Variants in PDE6A observed in about 807,000 individuals in gnomAD.
The protein encoded by PDE6A is phosphodiesterase 6A.
Under a neutral mutation model 106.3 loss-of-function variants are expected in PDE6A, and 84 were observed. The ratio of observed to expected loss-of-function variants is 0.79; its 90% CI spans 0.66 to 0.95. PDE6A has a LOEUF of 0.95. Ranked by LOEUF, PDE6A falls within the 40% of genes least tolerant of loss-of-function variation. The probability of loss-of-function intolerance (pLI) is 0.00; values close to 1 mark genes in which losing one functional copy is unlikely to be tolerated. For missense variants in PDE6A, 1,052 were observed against 1,084.9 expected (o/e 0.97, Z 0.43); for synonymous variants, 394 against 386.6 (o/e 1.02, Z -0.23).
intron 4 of PDE6A, among the ~76,000 whole-genome samples, chr5:149,922,500 T>C (rs1278525927): frequency 6.6e-6 from 1 of 151,854 alleles, no homozygotes; most frequent in Non-Finnish European, 1.5e-5. Flanking sequence ...TTAGTAGAGA[T>C]GGGGTTTCAC....
intron 4 of PDE6A, among the ~76,000 whole-genome samples, chr5:149,927,480 A>G (rs557799680): frequency 1.1e-3 from 175 of 152,290 alleles, no homozygotes; most frequent in African/African-American, 4.1e-3. Flanking sequence ...CTTGCTCATC[A>G]TAGCTCACTG....
chr5:149,926,979 C>CAAA lies in PDE6A; in HGVS notation c.858+4046_858+4048dup, dbSNP rs539891462. On this transcript the variant is annotated intron_variant, in intron 4 of 21. Coordinates refer to ENST00000255266, the MANE Select transcript of PDE6A (RefSeq NM_000440.3). The stretch of plus-strand genomic sequence containing the variant: ...GGCAACAAGAGCGAAACTCCGTCTC[C>CAAA]AAAAAAAAAAAAAAAAAAAGAGAGA... Among the ~76,000 whole-genome samples the CAAA allele has an allele frequency of 1.4e-3, 99 of 70,416 alleles. 2 individuals are homozygous for CAAA. Among genetic ancestry groups the CAAA allele is most frequent in the East Asian group, 5.9e-3 (15 of 2,548 alleles). The allele number at this position is 70,416 out of a possible 152,430, so 46.2% of individuals were successfully genotyped here.
intron 17 of PDE6A, among the ~76,000 whole-genome samples, chr5:149,872,328 A>G (rs746044412): frequency 2.6e-5 from 4 of 152,222 alleles, no homozygotes; most frequent in Non-Finnish European, 5.9e-5. Context: ...CTATGGGTCA[A>G]TGTAATATAT....
At chr5:149,932,809 C>T (rs1754080624) in intron 3 of PDE6A, 3 of 749,974 alleles carry the variant, frequency 4.0e-6, no homozygotes, top group East Asian at 2.8e-5. Context: ...GATTGAGAGA[C>T]ACTTTTGTCC....
chr5:149,902,934 A>G (rs1173423008), intron 8 of PDE6A, among the ~76,000 whole-genome samples: 2 of 152,120 alleles, frequency 1.3e-5, no homozygotes, highest in African/African-American at 2.4e-5. Context: ...GAGGATTTCA[A>G]TAGGAGATGG....
At position 149,883,447 on chromosome 5, in the gene PDE6A, G is replaced by A. The variant is rs1406581235; in HGVS notation, c.2117C>T (p.Thr706Ile). ...AACTCACATAACGATTTCCTTCCGTGTCTGCTCCAGCATCATGTACTGTGT... is the reference window on the plus strand; with the variant it reads ...AACTCACATAACGATTTCCTTCCGTATCTGCTCCAGCATCATGTACTGTGT... ...EWTQYMMLEQ[T>I]RKEIVMAMMM... Residue 706 changes from threonine (T) to isoleucine (I), a missense_variant, in exon 17 of 22, where the codon ACA becomes ATA. Thr to Ile is a moderately conservative substitution (Grantham distance 89). This residue lies in a region of PDE6A where 913 missense variants were observed against 915.2 expected (regional missense o/e 1.00). Transcript: ENST00000255266. 6.2e-7 allele frequency: 1 copy of A among 1,611,970 alleles called. No individual in the cohort carries two copies. The highest frequency in any genetic ancestry group is 8.5e-7 in the Non-Finnish European group (1 of 1,178,042).
At chr5:149,882,875 T>C (rs904868568) in intron 17 of PDE6A, among the ~76,000 whole-genome samples, 2 of 152,198 alleles carry the variant, frequency 1.3e-5, no homozygotes, top group South Asian at 2.1e-4. Flanking sequence ...CTAGGCAACA[T>C]GGCAAAACCC....
At chr5:149,886,844 C>T (rs1410832412) in intron 13 of PDE6A, among the ~76,000 whole-genome samples, 1 of 152,184 alleles carries the variant, frequency 6.6e-6, no homozygotes, top group African/African-American at 2.4e-5. Flanking sequence ...TTTTGCCAGA[C>T]ACTTAACTCC....
intron 14 of PDE6A, 135 bp downstream of exon 14, chr5:149,886,130 G>A (rs146191860): frequency 5.6e-6 from 4 of 716,518 alleles, no homozygotes; most frequent in African/African-American, 3.5e-5. Flanking sequence ...GAGGAGACCC[G>A]GATCCCAAGG....
At chr5:149,891,016 CCAATGTT>C (rs1441092334) in intron 13 of PDE6A, among the ~76,000 whole-genome samples, 1 of 152,174 alleles carries the variant, frequency 6.6e-6, no homozygotes. Context: ...GGATGTAAAT[CCAATGTT>C]AAGTGTGGAC....
At position 149,876,365 on chromosome 5, in the gene PDE6A, T is replaced by TGG. The variant is rs773056306; in HGVS notation, c.2135+7063_2135+7064insCC. 6.3e-3 allele frequency among the ~76,000 whole-genome samples: 953 copies of TGG among 150,276 alleles called. 18 individuals carry two copies. Among genetic ancestry groups the TGG allele is most frequent in the African/African-American group, 0.02 (827 of 40,912 alleles). The stretch of plus-strand genomic sequence containing the variant: ...ATTTTTCCTCTTTTTTTTTTTTTTT[T>TGG]TTTTTTAACCAGAGTCTCTCTGTTG... On this transcript the variant is annotated intron_variant, in intron 17 of 21. Coordinates refer to ENST00000255266, the MANE Select transcript of PDE6A (RefSeq NM_000440.3).
chr5:149,892,744 G>A (rs200881891), intron 13 of PDE6A, among the ~76,000 whole-genome samples: 3 of 152,044 alleles, frequency 2.0e-5, no homozygotes, highest in East Asian at 3.9e-4. Flanking sequence ...GCCTCCCAAA[G>A]TGTTGAGATT....
rs111259949 is a variant in PDE6A, at chr5:149,913,713, G to A, written c.998+1230C>T. 7.9e-5 allele frequency among the ~76,000 whole-genome samples: 12 copies of A among 152,318 alleles called. 1 individual carries two copies. The highest frequency in any genetic ancestry group is 2.9e-4 in the African/African-American group (12 of 41,576). On this transcript the variant is annotated intron_variant, in intron 6 of 21. Transcript: ENST00000255266. ...GAATTACAGCCTCAAGGCCTCTGCA[G>A]TTAAGTTGAGAAAAAGGGCCATGTC...
intron 18 of PDE6A, 96 bp downstream of exon 18, chr5:149,867,999 G>A (rs899254396): frequency 7.9e-7 from 1 of 1,268,806 alleles, no homozygotes; most frequent in Non-Finnish European, 1.2e-6. Context: ...ACACAGGTGA[G>A]CTGGTTCTGG....
At chr5:149,876,690 G>C (rs1250939237) in intron 17 of PDE6A, among the ~76,000 whole-genome samples, 10 of 152,002 alleles carry the variant, frequency 6.6e-5, no homozygotes, top group Admixed American at 5.9e-4. Flanking sequence ...TATTTTAATA[G>C]AGATGGGGTT....
chr5:149,930,785 A>G (rs1754009721), intron 4 of PDE6A, among the ~76,000 whole-genome samples: 1 of 152,138 alleles, frequency 6.6e-6, no homozygotes, highest in Non-Finnish European at 1.5e-5. Context: ...TTTCATGTAC[A>G]CTTTTTTTCT....
At chr5:149,872,404 T>C (rs2113521324) in intron 17 of PDE6A, among the ~76,000 whole-genome samples, 1 of 152,334 alleles carries the variant, frequency 6.6e-6, no homozygotes, top group Non-Finnish European at 1.5e-5. Flanking sequence ...TGTCCTCATC[T>C]TCATTATCAG....
intron 6 of PDE6A, among the ~76,000 whole-genome samples, chr5:149,913,750 C>T (rs1484188691): frequency 6.6e-6 from 1 of 152,132 alleles, no homozygotes. Context: ...CAGGACAGAA[C>T]CATGGATGTG....
intron 14 of PDE6A, among the ~76,000 whole-genome samples, chr5:149,885,339 A>G (rs1752248716): frequency 6.6e-6 from 1 of 152,218 alleles, no homozygotes; most frequent in East Asian, 1.9e-4. Context: ...CTTGTTAATG[A>G]CTTACAGGCC....
Sources: gnomAD v4.1 joint callset for allele counts (sites outside exome capture counted in the v4.1 genomes callset) on GRCh38, gnomAD v4.1.1 for gene constraint, gnomAD v4.1.1 regional missense constraint, MANE v1.5 for transcripts, NCBI Gene and HGNC (gene_info 2026-07-23, HGNC 2026-07-21) for gene names.